The following NBEA variants were observed in gnomAD, a reference collection of about 807,000 sequenced individuals.
NBEA encodes the protein lysosomal-trafficking regulator 2.
Under a neutral mutation model 343.4 loss-of-function variants are expected in NBEA, and 44 were observed. The ratio of observed to expected loss-of-function variants is 0.13; its 90% CI spans 0.10 to 0.16. NBEA has a LOEUF of 0.16. Among genes scored for constraint, NBEA ranks in the 10% least tolerant of loss-of-function variants. The probability of loss-of-function intolerance (pLI) is 1.00; values close to 1 mark genes in which losing one functional copy is unlikely to be tolerated. For synonymous variants in NBEA, 1,175 were observed against 1,238.7 expected (o/e 0.95, Z 1.08); for missense variants, 2,555 against 3,631.3 (o/e 0.70, Z 7.62).
At chr13:35,567,795 G>T (rs2080205461) in intron 45 of NBEA, among the ~76,000 whole-genome samples, 1 of 152,136 alleles carries the variant, frequency 6.6e-6, no homozygotes, top group African/African-American at 2.4e-5. Flanking sequence ...TGGTTTTAGG[G>T]GGCAGGTTTA....
chr13:35,564,198 T>C (rs1330490679), intron 44 of NBEA, among the ~76,000 whole-genome samples: 1 of 152,106 alleles, frequency 6.6e-6, no homozygotes, highest in Non-Finnish European at 1.5e-5. Context: ...TTTTCCTTAA[T>C]ATATAAATTA....
chr13:35,327,173 T>G (rs1318579259), intron 36 of NBEA, among the ~76,000 whole-genome samples: 6 of 152,046 alleles, frequency 3.9e-5, no homozygotes, highest in African/African-American at 1.4e-4. Flanking sequence ...TATACACTGT[T>G]GATGGAAATG....
At chr13:35,343,027 A>G (rs2039674533) in intron 36 of NBEA, among the ~76,000 whole-genome samples, 2 of 152,234 alleles carry the variant, frequency 1.3e-5, no homozygotes. Context: ...GGCATACCTA[A>G]AGCCAAAAGA....
At chr13:35,079,230 GA>G (rs1355991728) in intron 10 of NBEA, among the ~76,000 whole-genome samples, 2 of 152,062 alleles carry the variant, frequency 1.3e-5, no homozygotes, top group African/African-American at 4.8e-5. Context: ...AGGTGTGGGG[GA>G]AAAAACAAAG....
chr13:35,562,084 A>G (rs924392302), intron 44 of NBEA, among the ~76,000 whole-genome samples: 1 of 152,090 alleles, frequency 6.6e-6, no homozygotes, highest in Non-Finnish European at 1.5e-5. Context: ...TGTAATGTAT[A>G]CAGGTTTGCT....
intron 10 of NBEA, among the ~76,000 whole-genome samples, chr13:35,080,028 G>C (rs2064306835): frequency 6.6e-6 from 1 of 152,166 alleles, no homozygotes; most frequent in South Asian, 2.1e-4. Context: ...ACCTATTTCT[G>C]AAGTATGGGT....
chr13:35,361,026 A>G (rs1432030264), intron 38 of NBEA, among the ~76,000 whole-genome samples: 3 of 152,050 alleles, frequency 2.0e-5, no homozygotes, highest in Non-Finnish European at 4.4e-5. Context: ...CAGTATAAAT[A>G]CAATTATCCA....
At chr13:35,223,340 C>T (rs369913889) in intron 33 of NBEA, among the ~76,000 whole-genome samples, 68 of 152,204 alleles carry the variant, frequency 4.5e-4, no homozygotes, top group African/African-American at 1.6e-3. Context: ...ACATGAATTA[C>T]CTCCGTTTTT....
chr13:35,103,809 T>C (rs957616324), intron 11 of NBEA, among the ~76,000 whole-genome samples: 9 of 151,880 alleles, frequency 5.9e-5, no homozygotes, highest in Admixed American at 6.6e-5. Flanking sequence ...GGAAATTATG[T>C]TGTCTTACTG....
chr13:34,977,014 C>T (rs772314152), intron 1 of NBEA, among the ~76,000 whole-genome samples: 1 of 149,260 alleles, frequency 6.7e-6, no homozygotes, highest in African/African-American at 2.5e-5. Context: ...AATCTTGGCT[C>T]ACCGTAACGT....
intron 35 of NBEA, among the ~76,000 whole-genome samples, chr13:35,306,026 A>T (rs1395920767): frequency 6.6e-6 from 1 of 152,186 alleles, no homozygotes; most frequent in African/African-American, 2.4e-5. Flanking sequence ...CGTATATCAA[A>T]TGAAAGTATC....
chr13:35,284,109 C>T (rs1182906892), intron 34 of NBEA, among the ~76,000 whole-genome samples: 1 of 151,952 alleles, frequency 6.6e-6, no homozygotes, highest in Non-Finnish European at 1.5e-5. Context: ...TCTATGGCTA[C>T]CTTTGTACCA....
Position 35,494,609 on chromosome 13 carries a change from G to A in NBEA, c.6585+22073G>A, listed in dbSNP as rs548345225. Reference sequence around the variant, plus strand: ...ATGGCAAAAGAAGGCAGTAAAGGAGGAAGAGGTGAACAAAAAAGATATGAA... The same window carrying A: ...ATGGCAAAAGAAGGCAGTAAAGGAGAAAGAGGTGAACAAAAAAGATATGAA... On this transcript the variant is annotated intron_variant, in intron 41 of 58. Transcript: ENST00000379939. Among the ~76,000 whole-genome samples, 3 of 152,038 alleles carry A rather than the reference G, an allele frequency of 2.0e-5. No individual in the cohort carries two copies. In the East Asian group the frequency reaches 5.8e-4, roughly 30 times the overall value.
chr13:35,439,218 A>G (rs1009468059), intron 39 of NBEA, among the ~76,000 whole-genome samples: 1 of 152,194 alleles, frequency 6.6e-6, no homozygotes, highest in African/African-American at 2.4e-5. Context: ...CAACAGCAAA[A>G]TTCCAGCACG....
At chr13:35,604,766 G>A (rs1348921933) in intron 47 of NBEA, among the ~76,000 whole-genome samples, 1 of 151,638 alleles carries the variant, frequency 6.6e-6, no homozygotes, top group African/African-American at 2.4e-5. Context: ...TTCTCCTCTT[G>A]TGCTCAGTTT....
chr13:35,241,714 A>AAT, intron 34 of NBEA, among the ~76,000 whole-genome samples: 1 of 151,948 alleles, frequency 6.6e-6, no homozygotes, highest in Admixed American at 6.6e-5. Flanking sequence ...TTAGAAAGCT[A>AAT]ATAAATCAAT....
intron 38 of NBEA, among the ~76,000 whole-genome samples, chr13:35,356,476 G>T (rs2040496182): frequency 6.6e-6 from 1 of 152,090 alleles, no homozygotes. Flanking sequence ...ACAGAATGAT[G>T]CTTTCAACTT....
At chr13:35,504,189 C>A (rs747819228) in intron 41 of NBEA, among the ~76,000 whole-genome samples, 6 of 152,154 alleles carry the variant, frequency 3.9e-5, no homozygotes, top group Non-Finnish European at 5.9e-5. Flanking sequence ...TGGAGTATCC[C>A]TTTGTAGAAT....
At chr13:35,453,868 T>C (rs1189488167) in intron 40 of NBEA, among the ~76,000 whole-genome samples, 1 of 152,028 alleles carries the variant, frequency 6.6e-6, no homozygotes, top group East Asian at 1.9e-4. Flanking sequence ...TAAGAAAACA[T>C]CCCCCAAAAA....
Sources: gnomAD v4.1 joint callset for allele counts (sites outside exome capture counted in the v4.1 genomes callset) on GRCh38, gnomAD v4.1.1 for gene constraint, MANE v1.5 for transcripts, NCBI Gene and HGNC (gene_info 2026-07-23, HGNC 2026-07-21) for gene names.